ANXA8: variants seen among roughly 807,000 people sequenced by gnomAD.
ANXA8 encodes the protein VAC-beta.
In ANXA8, 9 loss-of-function variants were observed where a neutral mutation model predicts 26.8. The observed-to-expected ratio is 0.34, with a 90% CI of 0.20 to 0.59. ANXA8 has a LOEUF of 0.59. ANXA8 is among the 20% of genes least tolerant of loss of function. The pLI is 0.84. For synonymous variants in ANXA8, 39 were observed against 94.8 expected, an observed-to-expected ratio of 0.41 and a Z score of 3.42; for missense variants, 83 against 238.5, an observed-to-expected ratio of 0.35 and a Z score of 4.29.
At chr10:47,743,405 T>TGAGAGA in the ANXA8 span, among the ~76,000 whole-genome samples, 49 of 83,522 alleles carry the variant, frequency 5.9e-4, 1 homozygote, top group African/African-American at 2.0e-3. Flanking sequence ...TGTGTGTGTG[T>TGAGAGA]GAGAGAGAGA....
At chr10:47,935,658 TA>T in the ANXA8 span, among the ~76,000 whole-genome samples, 1 of 141,938 alleles carries the variant, frequency 7.0e-6, no homozygotes, top group African/African-American at 2.6e-5. Context: ...TTAATTGTAC[TA>T]TTTTTAGAGT....
At chr10:47,891,351 A>G in the ANXA8 span, among the ~76,000 whole-genome samples, 1 of 150,224 alleles carries the variant, frequency 6.7e-6, no homozygotes, top group African/African-American at 2.4e-5. Flanking sequence ...TGAAAAAAAA[A>G]CCTTTAAATG....
chr10:47,590,728 C>A, the ANXA8 span, among the ~76,000 whole-genome samples: 3 of 145,286 alleles, frequency 2.1e-5, no homozygotes, highest in Non-Finnish European at 4.4e-5. Context: ...TCATGAGGAG[C>A]ATTTCCTTTC....
At chr10:47,709,355 A>G in the ANXA8 span, among the ~76,000 whole-genome samples, 2 of 150,566 alleles carry the variant, frequency 1.3e-5, no homozygotes, top group Admixed American at 1.3e-4. Context: ...GTTTATTGCC[A>G]ATATCTTATT....
chr10:47,895,838 CTT>C, the ANXA8 span, among the ~76,000 whole-genome samples: 1 of 150,996 alleles, frequency 6.6e-6, no homozygotes, highest in East Asian at 2.0e-4. Flanking sequence ...TGACTCGTCT[CTT>C]TCCCTGCATC....
At chr10:47,696,178 A>G in the ANXA8 span, among the ~76,000 whole-genome samples, 1 of 151,868 alleles carries the variant, frequency 6.6e-6, no homozygotes, top group Non-Finnish European at 1.5e-5. Flanking sequence ...GGACTTCCAT[A>G]CTGCTATCAT....
At chr10:47,587,097 G>T in the ANXA8 span, among the ~76,000 whole-genome samples, 239 of 147,564 alleles carry the variant, frequency 1.6e-3, no homozygotes, top group Middle Eastern at 3.4e-3. Flanking sequence ...CCCAGCTAAT[G>T]GGGGGCTGAG....
At chr10:47,560,392 G>A in the ANXA8 span, among the ~76,000 whole-genome samples, 1 of 151,780 alleles carries the variant, frequency 6.6e-6, no homozygotes, top group Non-Finnish European at 1.5e-5. Flanking sequence ...ATTTATGTGT[G>A]GGAGAAGAAA....
At chr10:47,957,026 G>C in the ANXA8 span, among the ~76,000 whole-genome samples, 1 of 150,458 alleles carries the variant, frequency 6.6e-6, no homozygotes, top group Non-Finnish European at 1.5e-5. Flanking sequence ...TCCCCGGAGA[G>C]GCTCTTTGGG....
the ANXA8 span, chr10:47,690,288 CAAAG>C: frequency 6.3e-7 from 1 of 1,576,760 alleles, no homozygotes; most frequent in African/African-American, 1.4e-5. Context: ...TGAAGTGGTA[CAAAG>C]AGAGTGTGTG....
At chr10:47,712,791 C>CTT in the ANXA8 span, among the ~76,000 whole-genome samples, 2 of 70,694 alleles carry the variant, frequency 2.8e-5, no homozygotes, top group African/African-American at 7.2e-5. Flanking sequence ...GCATAAGGCA[C>CTT]TTTTTTTTTT....
the ANXA8 span, among the ~76,000 whole-genome samples, chr10:47,956,957 G>A: frequency 6.6e-6 from 1 of 150,380 alleles, no homozygotes; most frequent in Admixed American, 6.6e-5. Context: ...AAGGATGTAG[G>A]AAATATTTTT....
At chr10:47,502,568 G>C in the ANXA8 span, 1 of 1,610,936 alleles carries the variant, frequency 6.2e-7, no homozygotes, top group Non-Finnish European at 8.5e-7. Context: ...CAGTCATCCA[G>C]CTCCAGAGAT....
chr10:47,649,901 T>C, the ANXA8 span, among the ~76,000 whole-genome samples: 7 of 148,988 alleles, frequency 4.7e-5, no homozygotes. Flanking sequence ...CAGTAAGTTT[T>C]GTATTTTTTG....
the ANXA8 span, among the ~76,000 whole-genome samples, chr10:47,959,754 AG>A: frequency 6.7e-6 from 1 of 149,830 alleles, no homozygotes; most frequent in African/African-American, 2.5e-5. Context: ...TCACCTTGAG[AG>A]GTGGGGTCTC....
At chr10:47,952,040 A>G in the ANXA8 span, among the ~76,000 whole-genome samples, 2 of 150,552 alleles carry the variant, frequency 1.3e-5, no homozygotes, top group Admixed American at 6.6e-5. Context: ...AAAGCATTTG[A>G]CAATATGCAA....
At chr10:47,522,275 C>T in the ANXA8 span, among the ~76,000 whole-genome samples, 1 of 144,642 alleles carries the variant, frequency 6.9e-6, no homozygotes, top group African/African-American at 2.6e-5. Flanking sequence ...AACCAATCCC[C>T]ACCTCTCTTT....
chr10:47,497,426 A>T, the ANXA8 span, among the ~76,000 whole-genome samples: 1 of 140,838 alleles, frequency 7.1e-6, no homozygotes, highest in Non-Finnish European at 1.5e-5. Context: ...GACCAGCCTG[A>T]CCAACATGGA....
chr10:47,694,091 C>G, the ANXA8 span, among the ~76,000 whole-genome samples: 2 of 151,660 alleles, frequency 1.3e-5, no homozygotes, highest in African/African-American at 4.9e-5. Context: ...TGTATTTTTT[C>G]CTAACATCTC....
Sources: allele counts gnomAD v4.1 joint callset (sites outside exome capture counted in the v4.1 genomes callset), GRCh38; gene constraint gnomAD v4.1.1; transcripts MANE v1.5; gene names NCBI Gene and HGNC (gene_info 2026-07-23, HGNC 2026-07-21).